The following TRIM9 variants were observed in gnomAD, a reference collection of about 807,000 sequenced individuals.
The protein encoded by TRIM9 is E3 ubiquitin-protein ligase TRIM9.
TRIM9 carries 26 observed loss-of-function variants against 78.3 expected under a neutral mutation model. The observed-to-expected ratio is 0.33, with a 90% confidence interval of 0.24 to 0.46. The LOEUF (loss-of-function observed/expected upper bound fraction) is 0.46. Among genes scored for constraint, TRIM9 ranks in the 20% least tolerant of loss-of-function variants. The pLI is 1.00. For synonymous variants in TRIM9, 398 were observed against 416.5 expected, an observed-to-expected ratio of 0.96 and a Z score of 0.54; for missense variants, 787 against 1,036.4, an observed-to-expected ratio of 0.76 and a Z score of 3.30.
Position 50,979,550 on chromosome 14 carries a change from C to T in TRIM9, c.2163-1G>A, listed in dbSNP as rs2051544403. The T allele has an allele frequency of 6.2e-7, 1 of 1,612,374 alleles. No individual in the cohort carries two copies. Among genetic ancestry groups the T allele is most frequent in the Admixed American group, 1.7e-5 (1 of 59,696 alleles). On this transcript the variant is annotated splice_acceptor_variant, in intron 11 of 12. Coordinates refer to ENST00000684578, the MANE Select transcript of TRIM9 (RefSeq NM_001387360.1). LOFTEE classifies it high-confidence loss of function. ...CCCTTTTGTGATCCCTCCCTCAGTT[C>T]TGTAGGAAAAGAGAAAAATTGGGGT...
At chr14:50,992,781 G>C (rs941541047) in intron 7 of TRIM9, among the ~76,000 whole-genome samples, 10 of 152,210 alleles carry the variant, frequency 6.6e-5, no homozygotes, top group African/African-American at 2.4e-4. Flanking sequence ...GTGATGCTGA[G>C]AGTCTAATCG....
chr14:51,067,603 T>C (rs913297403), intron 1 of TRIM9, among the ~76,000 whole-genome samples: 1 of 152,216 alleles, frequency 6.6e-6, no homozygotes, highest in African/African-American at 2.4e-5. Flanking sequence ...TGGGCTTCTT[T>C]CTGTCCCTTT....
At chr14:51,061,406 C>A (rs898351358) in intron 1 of TRIM9, among the ~76,000 whole-genome samples, 1 of 131,124 alleles carries the variant, frequency 7.6e-6, no homozygotes, top group Non-Finnish European at 1.6e-5. Flanking sequence ...AAGCAAGACT[C>A]TGTCTCAAGA....
chr14:51,010,780 A>G (rs562347231), intron 3 of TRIM9, among the ~76,000 whole-genome samples: 8 of 152,272 alleles, frequency 5.3e-5, no homozygotes, highest in African/African-American at 1.9e-4. Context: ...AACACCTTCC[A>G]AAGGTCACTT....
In TRIM9 at chr14:50,981,901, G is replaced by A. The variant is rs750346549; in HGVS notation, c.2061C>T (p.Asp687=). The A allele has an allele frequency of 1.7e-5, 27 of 1,613,932 alleles. No homozygotes were observed. The highest frequency in any genetic ancestry group is 1.4e-4 in the South Asian group (13 of 91,074). The change falls in exon 11 of 13, where the codon GAC becomes GAT. Residue 687 remains aspartate, a synonymous_variant. Coordinates refer to ENST00000684578, the MANE Select transcript of TRIM9 (RefSeq NM_001387360.1). ...TTCCTAACATCACATCCTTCATCAC[G>A]TCCATGCGAGCCACACCAAAGGCAG... The part of the protein sequence containing the change: ...PDPAFGVARM[D]VMKDVMLGKD...
intron 7 of TRIM9, among the ~76,000 whole-genome samples, chr14:50,991,792 GA>G (rs2053545893): frequency 6.6e-6 from 1 of 152,184 alleles, no homozygotes; most frequent in Admixed American, 6.5e-5. Flanking sequence ...TGGTTTTAGA[GA>G]TGAGAAAACT....
chr14:51,053,595 A>ATTTTTTTTTTTTTTTTT (rs59227932), intron 1 of TRIM9, among the ~76,000 whole-genome samples: 9 of 82,180 alleles, frequency 1.1e-4, no homozygotes, highest in Non-Finnish European at 1.4e-4. Flanking sequence ...TTTTTTTTTA[A>ATTTTTTTTTTTTTTTTT]TTTTTTTTTT....
At chr14:50,998,244 G>C (rs2054480858) in intron 6 of TRIM9, 56 bp from the exon 7 acceptor site, 3 of 1,563,900 alleles carry the variant, frequency 1.9e-6, no homozygotes, top group South Asian at 1.1e-5. Context: ...TGAGGGGCGA[G>C]GGAGGCAGTG....
chr14:51,004,189 TC>T (rs1353503421), intron 5 of TRIM9, among the ~76,000 whole-genome samples: 1 of 152,206 alleles, frequency 6.6e-6, no homozygotes, highest in Non-Finnish European at 1.5e-5. Flanking sequence ...AGAATGAATT[TC>T]CCCTGACCTG....
chr14:51,017,841 G>C (rs2057365122), intron 3 of TRIM9, among the ~76,000 whole-genome samples: 1 of 152,194 alleles, frequency 6.6e-6, no homozygotes, highest in East Asian at 1.9e-4. Context: ...CTAACTTAGA[G>C]GAACTCCAGC....
At chr14:50,979,018 T>C in intron 12 of TRIM9, 1 of 1,252,618 alleles carries the variant, frequency 8.0e-7, no homozygotes, top group South Asian at 3.0e-5. Context: ...CACCCTCACC[T>C]CTTCTCAGGC....
chr14:51,093,660 C>T (rs2064639151), intron 1 of TRIM9, among the ~76,000 whole-genome samples: 1 of 152,240 alleles, frequency 6.6e-6, no homozygotes, highest in African/African-American at 2.4e-5. Flanking sequence ...TATCCAGCAG[C>T]GACAGACTCC....
chr14:51,046,720 G>C (rs933472434), intron 1 of TRIM9, among the ~76,000 whole-genome samples: 1 of 152,130 alleles, frequency 6.6e-6, no homozygotes, highest in African/African-American at 2.4e-5. Flanking sequence ...CTAAATTCTG[G>C]CTTTCCCATG....
intron 3 of TRIM9, among the ~76,000 whole-genome samples, chr14:51,021,297 G>A (rs755473705): frequency 2.0e-5 from 3 of 152,182 alleles, no homozygotes; most frequent in African/African-American, 4.8e-5. Flanking sequence ...CAGCTTTGCC[G>A]ATTCCTGCAG....
intron 1 of TRIM9, among the ~76,000 whole-genome samples, chr14:51,066,694 G>A (rs1298742642): frequency 6.6e-6 from 1 of 152,220 alleles, no homozygotes; most frequent in Non-Finnish European, 1.5e-5. Flanking sequence ...ACTCCAGTCT[G>A]CTGCGTGGTC....
chr14:51,021,783 C>T (rs971021812), intron 3 of TRIM9, among the ~76,000 whole-genome samples: 2 of 152,174 alleles, frequency 1.3e-5, no homozygotes, highest in African/African-American at 4.8e-5. Context: ...CATCTTGTTG[C>T]CCTGCACCAA....
chr14:51,020,122 T>C (rs2057608027), intron 3 of TRIM9, among the ~76,000 whole-genome samples: 1 of 152,086 alleles, frequency 6.6e-6, no homozygotes, highest in Admixed American at 6.6e-5. Flanking sequence ...GAACATAAGA[T>C]TACCCCTGCA....
rs200246485 is a variant in TRIM9, at chr14:51,083,430, A to ATT, written c.822+10687_822+10688insAA. Among the ~76,000 whole-genome samples the ATT allele has an allele frequency of 6.2e-5, 9 of 144,346 alleles. No individual in the cohort carries two copies. In the South Asian group the frequency reaches 1.1e-3, roughly 17 times the overall value. The allele number at this position is 144,346 out of a possible 152,430, so 94.7% of individuals were successfully genotyped here. On this transcript the variant is annotated intron_variant, in intron 1 of 12. Transcript: ENST00000684578. ...CCACCATGCCCAGCTAATTAAAAAA[A>ATT]ATTTTTTTTTTAGAGATCAGGTCTC... is the stretch of plus-strand genomic sequence containing the variant.
chr14:51,042,437 A>C (rs1023790579), intron 1 of TRIM9, among the ~76,000 whole-genome samples: 1 of 152,208 alleles, frequency 6.6e-6, no homozygotes, highest in Non-Finnish European at 1.5e-5. Flanking sequence ...AAATTCACTC[A>C]CATTAAAATT....
Sources: allele counts gnomAD v4.1 joint callset (sites outside exome capture counted in the v4.1 genomes callset), GRCh38; gene constraint gnomAD v4.1.1; transcripts MANE v1.5; gene names NCBI Gene and HGNC (gene_info 2026-07-23, HGNC 2026-07-21).